Variants in CEP170B observed in about 807,000 individuals in gnomAD.
The protein encoded by CEP170B is centrosomal protein of 170 kDa protein B.
In CEP170B, 55 loss-of-function variants were observed where a neutral mutation model predicts 120.6. That is an observed-to-expected ratio of 0.46 (90% CI 0.37 to 0.57). The LOEUF (loss-of-function observed/expected upper bound fraction) is 0.57. Ranked by LOEUF, CEP170B falls within the 20% of genes least tolerant of loss-of-function variation. CEP170B has a pLI of 0.00. For synonymous variants in CEP170B, 1,033 were observed against 954.5 expected (o/e 1.08, Z -1.52); for missense variants, 2,212 against 2,253.3 (o/e 0.98, Z 0.37).
At chr14:104,882,686 G>C in intron 6 of CEP170B, 42 bp from the exon 7 acceptor site, 1 of 1,533,724 alleles carries the variant, frequency 6.5e-7, no homozygotes, top group Non-Finnish European at 8.9e-7. Context: ...TCACACTGGG[G>C]GCCCCAGCAA....
In CEP170B at chr14:104,870,856, A is replaced by T. The variant is rs533080354; in HGVS notation, c.105+2301A>T. Reference sequence around the variant, plus strand: ...TATCTCCATGGGGAAACTGAGGCTCAGGGAGGCCTTGCAGGTGTGGCGAGT... The same window carrying T: ...TATCTCCATGGGGAAACTGAGGCTCTGGGAGGCCTTGCAGGTGTGGCGAGT... On this transcript the variant is annotated intron_variant, in intron 2 of 18. Coordinates refer to ENST00000414716, the MANE Select transcript of CEP170B (RefSeq NM_001112726.3). The surrounding 1 kb of genome is among the most constrained non-coding windows in gnomAD (Gnocchi z 4.1). 5.0e-4 allele frequency among the ~76,000 whole-genome samples: 76 copies of T among 152,182 alleles called. No individual in the cohort carries two copies. Among genetic ancestry groups the T allele is most frequent in the Non-Finnish European group, 3.7e-4 (25 of 67,974 alleles).
chr14:104,886,320 C>G lies in CEP170B; in HGVS notation c.2081C>G (p.Pro694Arg). Residue 694 changes from proline (P) to arginine (R), a missense_variant, in exon 12 of 19, where the codon CCT becomes CGT. Pro to Arg is a moderately radical substitution (Grantham distance 103). This residue lies in a region of CEP170B where 2,166 missense variants were observed against 2,166.7 expected (regional missense o/e 1.00). Transcript: ENST00000414716. ...GGCGGGGAGCCGGAGGGGTCCCTGC[C>G]TGTGCGCATGCGGCGACGGCTCCCT... is the stretch of plus-strand genomic sequence containing the variant. ...RRGGEPEGSL[P>R]VRMRRRLPQL... The G allele has an allele frequency of 6.4e-7, 1 of 1,550,994 alleles. No individual in the cohort carries two copies. Among genetic ancestry groups the G allele is most frequent in the Non-Finnish European group, 8.7e-7 (1 of 1,152,770 alleles).
chr14:104,890,908 G>A (rs1465717271), intron 13 of CEP170B, among the ~76,000 whole-genome samples: 1 of 134,238 alleles, frequency 7.4e-6, no homozygotes, highest in Admixed American at 7.4e-5. Flanking sequence ...TGGAGGGATG[G>A]ATGGATGGAT....
chr14:104,883,403 G>A lies in CEP170B; in HGVS notation c.946G>A (p.Asp316Asn), dbSNP rs1036540733. 6 of 1,589,716 alleles carry A rather than the reference G, an allele frequency of 3.8e-6. No individual in the cohort carries two copies. Among genetic ancestry groups the A allele is most frequent in the African/African-American group, 2.7e-5 (2 of 74,326 alleles). ...GGTGTCGGCTGAGACCAAGGTGGCC[G>A]ACTGGCTGGTGCAGAATGACCCGAG... ...EMVSAETKVA[D>N]WLVQNDPSLL... Residue 316 changes from aspartate to asparagine, a missense_variant, in exon 8 of 19, where the codon GAC (aspartate) becomes AAC (asparagine). Transcript: ENST00000414716.
chr14:104,880,544 C>G, intron 6 of CEP170B, 119 bp downstream of exon 6: 1 of 1,424,998 alleles, frequency 7.0e-7, no homozygotes, highest in Non-Finnish European at 9.4e-7. Context: ...ACACCCATAC[C>G]CCTCACCCTT....
chr14:104,883,687 C>T, intron 8 of CEP170B, 144 bp from the exon 9 acceptor site: 2 of 1,064,494 alleles, frequency 1.9e-6, no homozygotes, highest in Admixed American at 2.9e-5. Context: ...CTTCCCGTTG[C>T]ACTTCTTTGC....
In CEP170B at chr14:104,882,750, C is replaced by A. The variant is rs778741838; in HGVS notation, c.495C>A (p.Pro165=). The A allele has an allele frequency of 6.2e-7, 1 of 1,612,272 alleles. No individual in the cohort carries two copies. Residue 165 remains proline (P), a synonymous_variant, in exon 7 of 19, where the codon CCC becomes CCA. Transcript: ENST00000414716. ...PGTEAASYRT[P]LYGQPSWWGE... is the part of the protein sequence containing the mutation. Reference sequence around the variant, plus strand: ...CAGAGGCAGCCTCTTACCGCACACCCCTGTATGGGCAGCCCTCCTGGTGGG... The same window carrying A: ...CAGAGGCAGCCTCTTACCGCACACCACTGTATGGGCAGCCCTCCTGGTGGG...
Position 104,889,662 on chromosome 14 carries a change from C to T in CEP170B, c.3782C>T (p.Ser1261Phe), listed in dbSNP as rs77505943. Residue 1261 changes from serine (S) to phenylalanine (F), a missense_variant, in exon 13 of 19, where the codon TCC becomes TTC. Transcript: ENST00000414716. ...GCTGGCAGCTCCAGCCGGGCTCGTT[C>T]CCGGGCCCCCGGCCCCCGGGACACG... ...PRAGSSSRARSRAPGPRDTDD... is the reference protein window; with the variant it reads ...PRAGSSSRARFRAPGPRDTDD... 4.3e-6 allele frequency: 7 copies of T among 1,612,028 alleles called. No individual in the cohort carries two copies. The African/African-American group carries it at 8.0e-5, about 18-fold the overall frequency.
intron 13 of CEP170B, among the ~76,000 whole-genome samples, chr14:104,890,884 A>G (rs1444491526): frequency 3.5e-4 from 22 of 62,382 alleles, no homozygotes; most frequent in South Asian, 6.2e-4. Context: ...TGAATGGATG[A>G]GTGGGTGGGT....
At chr14:104,869,743 G>A (rs1342522206) in intron 2 of CEP170B, among the ~76,000 whole-genome samples, 2 of 152,194 alleles carry the variant, frequency 1.3e-5, no homozygotes, top group South Asian at 2.1e-4. Flanking sequence ...CAGTGGGGAC[G>A]CAGCATTCAA....
intron 9 of CEP170B, 26 bp from the exon 10 acceptor site, chr14:104,885,343 T>G: frequency 1.3e-6 from 2 of 1,532,018 alleles, no homozygotes; most frequent in Non-Finnish European, 1.8e-6. Flanking sequence ...TGACCCTCGG[T>G]GCCTGGGACC....
At chr14:104,878,350 G>T in intron 4 of CEP170B, 93 bp from the exon 5 acceptor site, 1 of 1,308,316 alleles carries the variant, frequency 7.6e-7, no homozygotes, top group Non-Finnish European at 1.1e-6. Context: ...CTGCCTCGAT[G>T]GGCCCTTGAG....
At chr14:104,893,221 C>G in intron 14 of CEP170B, 86 bp downstream of exon 14, 1 of 1,408,064 alleles carries the variant, frequency 7.1e-7, no homozygotes, top group South Asian at 1.4e-5. Context: ...TTGCATGCCT[C>G]GGCTGAGGCC....
intron 14 of CEP170B, 43 bp downstream of exon 14, chr14:104,893,178 T>C (rs1278984434): frequency 6.3e-7 from 1 of 1,580,556 alleles, no homozygotes; most frequent in South Asian, 1.1e-5. Flanking sequence ...AGAGCCACCC[T>C]CGAGGAGGGT....
intron 16 of CEP170B, 72 bp downstream of exon 16, chr14:104,893,921 C>T: frequency 7.1e-7 from 1 of 1,409,104 alleles, no homozygotes; most frequent in Non-Finnish European, 9.9e-7. Flanking sequence ...CTCAGCCTGG[C>T]TGAATCCCTC....
In CEP170B at chr14:104,879,568, C is replaced by T. The variant is rs200383387; in HGVS notation, c.334-719C>T. Among the ~76,000 whole-genome samples, 14 of 152,284 alleles carry T rather than the reference C, an allele frequency of 9.2e-5. No homozygotes were observed. In the East Asian group the frequency reaches 1.2e-3, roughly 13 times the overall value. ...CTCTCCGATCTCCTCCCGCACTGCCCGCCCTGGCCGGGTGCCCTCTCGGAG... is the reference window on the plus strand; with the variant it reads ...CTCTCCGATCTCCTCCCGCACTGCCTGCCCTGGCCGGGTGCCCTCTCGGAG... On this transcript the variant is annotated intron_variant, in intron 5 of 18. Transcript: ENST00000414716.
At chr14:104,873,211 G>A (rs992416581) in intron 2 of CEP170B, among the ~76,000 whole-genome samples, 5 of 151,774 alleles carry the variant, frequency 3.3e-5, no homozygotes, top group African/African-American at 7.3e-5. Context: ...CTGGGAGTGG[G>A]CGGGGCAGCT....
intron 16 of CEP170B, 22 bp downstream of exon 16, chr14:104,893,871 G>C (rs1459797067): frequency 6.3e-7 from 1 of 1,599,924 alleles, no homozygotes; most frequent in Admixed American, 1.7e-5. Flanking sequence ...TCCTGGCTGA[G>C]GTGGACGCCC....
Position 104,868,499 on chromosome 14 carries a change from C to G in CEP170B, c.49C>G (p.Arg17Gly). Residue 17 changes from arginine to glycine, a missense_variant, in exon 2 of 19, where the codon CGG becomes GGG. By Grantham distance (125) the Arg-to-Gly change is moderately radical (BLOSUM62 -2). This residue lies in a region of CEP170B where 46 missense variants were observed against 86.6 expected (regional missense o/e 0.53). Coordinates refer to ENST00000414716, the MANE Select transcript of CEP170B (RefSeq NM_001112726.3). The surrounding 1 kb of genome is among the most constrained non-coding windows in gnomAD (Gnocchi z 5.9). ...GGTGAGCAGCAGCGGCGCCCGCCAC[C>G]GGCTCCCTCGGGAGCTCATCTTCGT... is the stretch of plus-strand genomic sequence containing the variant. The part of the protein sequence containing the change: ...FLVSSSGARH[R>G]LPRELIFVGR... 7.1e-6 allele frequency: 11 copies of G among 1,549,594 alleles called. No individual in the cohort carries two copies. Among genetic ancestry groups the G allele is most frequent in the Non-Finnish European group, 9.6e-6 (11 of 1,146,934 alleles).
Sources: gnomAD v4.1 joint callset for allele counts (sites outside exome capture counted in the v4.1 genomes callset) on GRCh38, gnomAD v4.1.1 for gene constraint, gnomAD v4.1.1 regional missense constraint, Gnocchi (gnomAD v3.1) non-coding constraint, MANE v1.5 for transcripts, NCBI Gene and HGNC (gene_info 2026-07-23, HGNC 2026-07-21) for gene names.